MEIS2: variants seen among roughly 807,000 people sequenced by gnomAD.
MEIS2 encodes Meis homeobox 2.
MEIS2 carries 9 observed loss-of-function variants against 58.6 expected under a neutral mutation model. That is an observed-to-expected ratio of 0.15 (90% CI 0.09 to 0.27). MEIS2 has a LOEUF of 0.27. Among genes scored for constraint, MEIS2 ranks in the 10% least tolerant of loss-of-function variants. The pLI, the probability that MEIS2 is intolerant of heterozygous loss-of-function variation, is 1.00. For synonymous variants in MEIS2, 221 were observed against 228.4 expected, an observed-to-expected ratio of 0.97 and a Z score of 0.29; for missense variants, 427 against 635.0, an observed-to-expected ratio of 0.67 and a Z score of 3.52.
intron 8 of MEIS2, among the ~76,000 whole-genome samples, chr15:37,033,888 T>G (rs747245161): frequency 1.2e-4 from 19 of 152,210 alleles, no homozygotes; most frequent in Admixed American, 2.6e-4. Flanking sequence ...CTCATCAAAG[T>G]TACTGAACCT....
At chr15:37,079,466 A>G (rs974800708) in intron 7 of MEIS2, among the ~76,000 whole-genome samples, 2 of 152,142 alleles carry the variant, frequency 1.3e-5, no homozygotes, top group Admixed American at 1.3e-4. Flanking sequence ...ATCCCAGTAG[A>G]ACATATTCAG....
intron 9 of MEIS2, among the ~76,000 whole-genome samples, chr15:36,946,971 G>A (rs1166905763): frequency 6.6e-6 from 1 of 151,944 alleles, no homozygotes; most frequent in Admixed American, 6.6e-5. Flanking sequence ...TCAGGTTGAG[G>A]ATATTTGGTT....
At chr15:36,912,972 C>T (rs2057109958) in intron 9 of MEIS2, among the ~76,000 whole-genome samples, 1 of 152,156 alleles carries the variant, frequency 6.6e-6, no homozygotes, top group African/African-American at 2.4e-5. Flanking sequence ...TTTCCACTGT[C>T]CGCACCTGCC....
intron 8 of MEIS2, among the ~76,000 whole-genome samples, chr15:37,003,031 T>C (rs1207797243): frequency 6.6e-6 from 1 of 152,128 alleles, no homozygotes; most frequent in Non-Finnish European, 1.5e-5. Context: ...TCCACAAAGA[T>C]TTTTCCTTGA....
chr15:37,064,127 C>A (rs1160606555), intron 7 of MEIS2, among the ~76,000 whole-genome samples: 2 of 152,038 alleles, frequency 1.3e-5, no homozygotes, highest in Non-Finnish European at 2.9e-5. Context: ...CACATTATCT[C>A]AACCAAAATA....
chr15:36,911,050 A>C (rs970749711), intron 9 of MEIS2, among the ~76,000 whole-genome samples: 5 of 151,560 alleles, frequency 3.3e-5, no homozygotes, highest in African/African-American at 1.2e-4. Context: ...GTCTCAAAAA[A>C]AAAAAAAAAA....
intron 9 of MEIS2, among the ~76,000 whole-genome samples, chr15:36,949,402 A>G (rs1001249019): frequency 1.3e-5 from 2 of 152,062 alleles, no homozygotes; most frequent in African/African-American, 4.8e-5. Context: ...CCACAGATAG[A>G]GCACTTTGTA....
chr15:36,910,881 C>T (rs2056981247), intron 9 of MEIS2, among the ~76,000 whole-genome samples: 1 of 152,044 alleles, frequency 6.6e-6, no homozygotes, highest in Non-Finnish European at 1.5e-5. Flanking sequence ...CCTGTCTCTA[C>T]TAAAAATACA....
intron 11 of MEIS2, 47 bp downstream of exon 11, chr15:36,895,104 A>T (rs374318144): frequency 6.8e-7 from 1 of 1,463,602 alleles, no homozygotes; most frequent in African/African-American, 1.4e-5. Context: ...CTGGTGGAGC[A>T]GGTGGCACTT....
intron 9 of MEIS2, among the ~76,000 whole-genome samples, chr15:36,927,877 T>G (rs1335604258): frequency 6.6e-6 from 1 of 152,154 alleles, no homozygotes; most frequent in Non-Finnish European, 1.5e-5. Context: ...GTACACATTA[T>G]AAAACTCAGG....
chr15:37,088,782 A>G (rs1893187451), intron 6 of MEIS2, among the ~76,000 whole-genome samples: 1 of 152,196 alleles, frequency 6.6e-6, no homozygotes, highest in Non-Finnish European at 1.5e-5. Context: ...ACTTTTAGAG[A>G]AGACAGAAAT....
At chr15:36,933,183 T>C (rs1319091330) in intron 9 of MEIS2, among the ~76,000 whole-genome samples, 7 of 152,070 alleles carry the variant, frequency 4.6e-5, no homozygotes, top group African/African-American at 7.2e-5. Context: ...CTAGTGAAAA[T>C]TAGGTGGCTA....
chr15:37,073,554 T>G (rs1007964065), intron 7 of MEIS2, among the ~76,000 whole-genome samples: 4 of 151,952 alleles, frequency 2.6e-5, no homozygotes, highest in African/African-American at 9.7e-5. Flanking sequence ...CTTGAGAGAG[T>G]GAGAGCTCCC....
intron 8 of MEIS2, among the ~76,000 whole-genome samples, chr15:36,982,473 C>T (rs1196392454): frequency 6.6e-6 from 1 of 152,118 alleles, no homozygotes; most frequent in Non-Finnish European, 1.5e-5. Flanking sequence ...TCACAAATGA[C>T]AGGATTTTCT....
rs1204017425 is a variant in MEIS2, at chr15:36,991,771, C to CTTTTTTTTT, written c.901-41380_901-41372dup. Among the ~76,000 whole-genome samples, 5 of 108,628 alleles carry CTTTTTTTTT rather than the reference C, an allele frequency of 4.6e-5. 1 individual carries two copies. The highest frequency in any genetic ancestry group is 3.4e-5 in the African/African-American group (1 of 29,006). The allele number at this position is 108,628 out of a possible 152,430, so 71.3% of individuals were successfully genotyped here. On this transcript the variant is annotated intron_variant, in intron 8 of 11. Transcript: ENST00000561208. ...AAGTACATATTAAAGTGTTAATTTT[C>CTTTTTTTTT]TTTTTTTTTTTCTTTTTTTTTTTTT...
intron 8 of MEIS2, among the ~76,000 whole-genome samples, chr15:36,958,274 C>T (rs1204981000): frequency 1.3e-5 from 2 of 152,054 alleles, no homozygotes; most frequent in Non-Finnish European, 2.9e-5. Flanking sequence ...TAAAGGAATA[C>T]TGAATGAGCC....
At chr15:37,022,005 T>C (rs1468961537) in intron 8 of MEIS2, among the ~76,000 whole-genome samples, 1 of 152,122 alleles carries the variant, frequency 6.6e-6, no homozygotes, top group Non-Finnish European at 1.5e-5. Context: ...TAACATTCCA[T>C]ATCTCCTACA....
intron 7 of MEIS2, among the ~76,000 whole-genome samples, chr15:37,049,891 T>A (rs1255540857): frequency 6.6e-6 from 1 of 152,080 alleles, no homozygotes; most frequent in Non-Finnish European, 1.5e-5. Context: ...CATAATTTTT[T>A]CTGAATTGCT....
intron 8 of MEIS2, among the ~76,000 whole-genome samples, chr15:36,957,815 G>C (rs2059038643): frequency 6.6e-6 from 1 of 152,204 alleles, no homozygotes; most frequent in African/African-American, 2.4e-5. Flanking sequence ...TTTCCTGACA[G>C]AAAGGACTGG....
Sources: allele counts gnomAD v4.1 joint callset (sites outside exome capture counted in the v4.1 genomes callset), GRCh38; gene constraint gnomAD v4.1.1; transcripts MANE v1.5; gene names NCBI Gene and HGNC (gene_info 2026-07-23, HGNC 2026-07-21).